The following ATL3 variants were observed in gnomAD, a reference collection of about 807,000 sequenced individuals.
The protein encoded by ATL3 is atlastin-3.
Under a neutral mutation model 69.5 loss-of-function variants are expected in ATL3, and 49 were observed. The ratio of observed to expected loss-of-function variants is 0.71; its 90% CI spans 0.56 to 0.89. ATL3 has a LOEUF of 0.89. ATL3 is among the 40% of genes least tolerant of loss of function. The pLI is 0.00. For missense variants in ATL3, 606 were observed against 645.7 expected (o/e 0.94, Z 0.67); for synonymous variants, 214 against 224.1 (o/e 0.95, Z 0.40).
At chr11:63,633,908 G>A (rs1256686080) in intron 10 of ATL3, among the ~76,000 whole-genome samples, 3 of 151,294 alleles carry the variant, frequency 2.0e-5, no homozygotes, top group Admixed American at 6.6e-5. Context: ...GGTGATGTGC[G>A]CCTGTAGTCC....
intron 7 of ATL3, 105 bp downstream of exon 7, chr11:63,644,064 T>A: frequency 1.4e-6 from 1 of 727,928 alleles, no homozygotes; most frequent in Non-Finnish European, 2.4e-6. Context: ...AGTTAATGTA[T>A]TCAATATCAT....
chr11:63,667,154 C>T (rs540596227), intron 1 of ATL3, among the ~76,000 whole-genome samples: 16 of 152,274 alleles, frequency 1.1e-4, no homozygotes, highest in Non-Finnish European at 4.4e-5. Context: ...CACTGATCAA[C>T]GTAGTGTATA....
chr11:63,629,677 C>T (rs1939240524), intron 12 of ATL3, among the ~76,000 whole-genome samples: 1 of 152,144 alleles, frequency 6.6e-6, no homozygotes, highest in Non-Finnish European at 1.5e-5. Context: ...CTCAGAAAAA[C>T]AAATGTATCA....
chr11:63,663,429 G>A (rs1189733096), intron 1 of ATL3, among the ~76,000 whole-genome samples: 1 of 152,162 alleles, frequency 6.6e-6, no homozygotes, highest in Non-Finnish European at 1.5e-5. Context: ...TAGCCACTGT[G>A]GCTGGCTTCT....
At chr11:63,654,291 C>T (rs548341383) in intron 3 of ATL3, among the ~76,000 whole-genome samples, 3 of 149,858 alleles carry the variant, frequency 2.0e-5, no homozygotes, top group South Asian at 2.1e-4. Flanking sequence ...GGACTATAGA[C>T]GCCCGCCACC....
At chr11:63,654,149 G>GTTT (rs1178233786) in intron 3 of ATL3, among the ~76,000 whole-genome samples, 2 of 138,510 alleles carry the variant, frequency 1.4e-5, no homozygotes, top group African/African-American at 2.6e-5. Context: ...GATACAATTT[G>GTTT]TTTTTTTTTT....
rs1940769833 is a variant in ATL3, at chr11:63,671,339, G to C, written c.-4C>G. 5.1e-6 allele frequency: 8 copies of C among 1,582,192 alleles called. No individual in the cohort carries two copies. The highest frequency in any genetic ancestry group is 6.0e-6 in the Non-Finnish European group (7 of 1,166,456). On this transcript the variant is annotated 5_prime_UTR_variant, in exon 1 of 13. Transcript: ENST00000398868. Reference sequence around the variant, plus strand: ...CCACTCGCTGAGGGGACAACATGGAGCCTCCGCCTTCAAAGCAGAAGCAGC... The same window carrying C: ...CCACTCGCTGAGGGGACAACATGGACCCTCCGCCTTCAAAGCAGAAGCAGC...
chr11:63,658,897 C>T lies in ATL3; in HGVS notation c.269G>A (p.Ser90Asn). The T allele has an allele frequency of 1.2e-6, 2 of 1,600,910 alleles. No homozygotes were observed. Among genetic ancestry groups the T allele is most frequent in the Non-Finnish European group, 1.7e-6 (2 of 1,176,184 alleles). Residue 90 changes from serine to asparagine, a missense_variant, in exon 3 of 13, where the codon AGT (serine) becomes AAT (asparagine). Transcript: ENST00000398868. Reference sequence around the variant, plus strand: ...GTCACCCAACCAATTTGAATGGCCACTTTCCTTCTACAGAAGTAAGAAATT... The same window carrying T: ...GTCACCCAACCAATTTGAATGGCCATTTTCCTTCTACAGAAGTAAGAAATT... The part of the protein sequence containing the change: ...MLRYLYSQKE[S>N]GHSNWLGDPE...
intron 1 of ATL3, among the ~76,000 whole-genome samples, chr11:63,664,254 C>T (rs1200831779): frequency 6.6e-6 from 1 of 152,078 alleles, no homozygotes; most frequent in African/African-American, 2.4e-5. Flanking sequence ...GTTTACTGAG[C>T]GAGGCCAGCC....
intron 7 of ATL3, 75 bp from the exon 8 acceptor site, chr11:63,643,570 C>T: frequency 1.4e-6 from 2 of 1,412,040 alleles, no homozygotes; most frequent in South Asian, 1.4e-5. Context: ...AGTATAAGGA[C>T]AAAGGAAAGA....
At chr11:63,663,250 C>T (rs1940475190) in intron 1 of ATL3, among the ~76,000 whole-genome samples, 1 of 152,112 alleles carries the variant, frequency 6.6e-6, no homozygotes, top group African/African-American at 2.4e-5. Flanking sequence ...ACCAGAGTAG[C>T]TGGCAGTACA....
rs749215786 is a variant in ATL3, at chr11:63,636,467, G to A, written c.851-133C>T. ...TAAAAGTGAGAGAGAAGCCGGGCAC[G>A]GTGGCTCACGCCTATAATCCTAGCA... On this transcript the variant is annotated intron_variant, in intron 8 of 12. Transcript: ENST00000398868. The A allele has an allele frequency of 8.7e-4, 1,061 of 1,221,222 alleles. 3 individuals carry two copies. The highest frequency in any genetic ancestry group is 1.8e-3 in the Admixed American group (83 of 44,872). 75.6% of individuals were successfully genotyped at this position (1,221,222 alleles called of 1,614,324 possible).
In ATL3 at chr11:63,627,235, TC is replaced by T. The variant is rs996279331; in HGVS notation, c.*2083del. ...AGAGCCTGCTAATAGGTATGAACTT[TC>T]AGAGAGATAAGAGGTCACCTGAAAA... On this transcript the variant is annotated 3_prime_UTR_variant, in exon 13 of 13. Coordinates refer to ENST00000398868, the MANE Select transcript of ATL3 (RefSeq NM_015459.5). The T allele has an allele frequency of 2.4e-4, 36 of 152,302 alleles. No homozygotes were observed. Among genetic ancestry groups the T allele is most frequent in the African/African-American group, 8.7e-4 (36 of 41,576 alleles). 9.4% of individuals were successfully genotyped at this position (152,302 alleles called of 1,614,324 possible). A position where few individuals can be genotyped will look rare whatever the true frequency, so the allele number is the denominator to read the frequency against.
intron 3 of ATL3, among the ~76,000 whole-genome samples, chr11:63,657,207 TCA>T (rs1940281443): frequency 1.3e-5 from 1 of 75,418 alleles, no homozygotes; most frequent in Non-Finnish European, 2.6e-5. Context: ...AGACTACATC[TCA>T]AAAAAAAAAA....
At chr11:63,654,322 T>TTTTTAG (rs1482180932) in intron 3 of ATL3, among the ~76,000 whole-genome samples, 1 of 151,912 alleles carries the variant, frequency 6.6e-6, no homozygotes, top group Non-Finnish European at 1.5e-5. Flanking sequence ...AATTTTTGTA[T>TTTTTAG]TTTTAGTAGA....
chr11:63,637,590 G>T (rs1459083211), intron 8 of ATL3: 2 of 152,170 alleles, frequency 1.3e-5, no homozygotes, highest in East Asian at 3.9e-4. Flanking sequence ...GATCAGTACA[G>T]CCATTAAATA....
upstream of ATL3, chr11:63,671,677 T>G: frequency 7.4e-7 from 1 of 1,344,882 alleles, no homozygotes; most frequent in Non-Finnish European, 9.7e-7. Context: ...TTGGGAATTG[T>G]AGTCCCGCGC....
chr11:63,639,616 A>ACT (rs1939625880), intron 8 of ATL3, among the ~76,000 whole-genome samples: 1 of 152,092 alleles, frequency 6.6e-6, no homozygotes, highest in Non-Finnish European at 1.5e-5. Flanking sequence ...TTAGCCAGGC[A>ACT]TAGTGGTGCA....
At chr11:63,652,773 G>A (rs1940120866) in intron 3 of ATL3, among the ~76,000 whole-genome samples, 198 bp from the exon 4 acceptor site, 7 of 152,254 alleles carry the variant, frequency 4.6e-5, no homozygotes, top group South Asian at 4.1e-4. Flanking sequence ...ATTATCCAGC[G>A]TTATACAGAG....
Sources: allele counts gnomAD v4.1 joint callset (sites outside exome capture counted in the v4.1 genomes callset), GRCh38; gene constraint gnomAD v4.1.1; transcripts MANE v1.5; gene names NCBI Gene and HGNC (gene_info 2026-07-23, HGNC 2026-07-21).